LNPEP: variants seen among roughly 807,000 people sequenced by gnomAD.
LNPEP encodes leucyl and cystinyl aminopeptidase.
A neutral mutation model predicts 120.6 loss-of-function variants in LNPEP; 64 were observed. The ratio of observed to expected loss-of-function variants is 0.53; its 90% CI spans 0.43 to 0.65. The LOEUF (loss-of-function observed/expected upper bound fraction) is 0.65, where lower values mean the gene tolerates loss of function less well. Ranked by LOEUF, LNPEP falls within the 30% of genes least tolerant of loss-of-function variation. LNPEP has a pLI of 0.00. For synonymous variants in LNPEP, 435 were observed against 425.4 expected (o/e 1.02, Z -0.28); for missense variants, 1,057 against 1,200.0 (o/e 0.88, Z 1.76).
intron 1 of LNPEP, among the ~76,000 whole-genome samples, chr5:96,938,511 G>T (rs1439823940): frequency 6.6e-6 from 1 of 152,186 alleles, no homozygotes; most frequent in East Asian, 1.9e-4. Context: ...TAAAGGAAGT[G>T]AATTTAGCTT....
chr5:97,011,557 A>T lies in LNPEP; in HGVS notation c.2036-2091A>T, dbSNP rs548194352. 7.9e-5 allele frequency among the ~76,000 whole-genome samples: 12 copies of T among 152,240 alleles called. No homozygotes were observed. The East Asian group carries it at 1.9e-3, about 24-fold the overall frequency. ...AGGGTTCTTTCTTGATAAAAGCTCC[A>T]TAGGATATAGTGTTTGGTGACCTGG... On this transcript the variant is annotated intron_variant, in intron 11 of 17. Transcript: ENST00000231368.
chr5:96,969,522 C>T (rs1789810489), intron 1 of LNPEP, among the ~76,000 whole-genome samples: 1 of 151,860 alleles, frequency 6.6e-6, no homozygotes, highest in South Asian at 2.1e-4. Context: ...AGCCTGTGAC[C>T]CAGTTCTGAT....
At chr5:96,982,947 C>T (rs1790158627) in intron 2 of LNPEP, among the ~76,000 whole-genome samples, 1 of 151,704 alleles carries the variant, frequency 6.6e-6, no homozygotes, top group South Asian at 2.1e-4. Context: ...AACAAAAATC[C>T]TAATCTTTAG....
chr5:96,936,833 G>C (rs1452716236), intron 1 of LNPEP: 1 of 152,092 alleles, frequency 6.6e-6, no homozygotes, highest in Non-Finnish European at 1.5e-5. Context: ...TCAAAGACTT[G>C]TTAATGTCAA....
At chr5:97,023,846 T>C (rs1005396572) in intron 14 of LNPEP, among the ~76,000 whole-genome samples, 1 of 152,220 alleles carries the variant, frequency 6.6e-6, no homozygotes, top group Non-Finnish European at 1.5e-5. Flanking sequence ...CCAATTTCTC[T>C]ACATCCTTGC....
intron 1 of LNPEP, among the ~76,000 whole-genome samples, chr5:96,972,894 G>A (rs1347328148): frequency 6.6e-6 from 1 of 152,012 alleles, no homozygotes; most frequent in Non-Finnish European, 1.5e-5. Context: ...GTCAGGGTGA[G>A]GGGCAGCAGA....
At chr5:96,969,625 C>G (rs888722685) in intron 1 of LNPEP, among the ~76,000 whole-genome samples, 1 of 151,896 alleles carries the variant, frequency 6.6e-6, no homozygotes, top group African/African-American at 2.4e-5. Context: ...ATTTTTGGGC[C>G]AGTTTCTAGG....
chr5:96,982,361 A>G lies in LNPEP; in HGVS notation c.860+2383A>G, dbSNP rs930840094. 3.9e-4 allele frequency among the ~76,000 whole-genome samples: 59 copies of G among 152,208 alleles called. 1 individual carries two copies. The highest frequency in any genetic ancestry group is 1.0e-4 in the Non-Finnish European group (7 of 68,046). Reference sequence around the variant, plus strand: ...AAGTGTTCAACTTTAGTATTTCAGAAAGGAAATATACTCTCCAGTGAAAGA... The same window carrying G: ...AAGTGTTCAACTTTAGTATTTCAGAGAGGAAATATACTCTCCAGTGAAAGA... On this transcript the variant is annotated intron_variant, in intron 2 of 17. Coordinates refer to ENST00000231368, the MANE Select transcript of LNPEP (RefSeq NM_005575.3).
chr5:96,998,216 G>C (rs866265341), intron 8 of LNPEP, 71 bp downstream of exon 8: 1 of 1,123,766 alleles, frequency 8.9e-7, no homozygotes, highest in Middle Eastern at 2.0e-4. Context: ...TGAGCAAGCT[G>C]TGTGATTTAG....
At chr5:96,958,580 A>G (rs1789524875) in intron 1 of LNPEP, 1 of 789,968 alleles carries the variant, frequency 1.3e-6, no homozygotes, top group Non-Finnish European at 1.5e-6. Flanking sequence ...AATATAGTAC[A>G]AATTTATCTT....
intron 6 of LNPEP, among the ~76,000 whole-genome samples, chr5:96,995,176 C>T (rs760761696): frequency 3.9e-5 from 6 of 152,128 alleles, no homozygotes; most frequent in Non-Finnish European, 8.8e-5. Context: ...TTTCTGAAGC[C>T]ACCCATCACC....
intron 1 of LNPEP, among the ~76,000 whole-genome samples, chr5:96,955,142 A>G (rs1216808534): frequency 6.6e-6 from 1 of 151,860 alleles, no homozygotes; most frequent in Non-Finnish European, 1.5e-5. Context: ...CCCTCTTTTC[A>G]TACCCATATT....
chr5:96,965,566 A>G (rs1789706717), intron 1 of LNPEP, among the ~76,000 whole-genome samples: 1 of 152,194 alleles, frequency 6.6e-6, no homozygotes, highest in Non-Finnish European at 1.5e-5. Context: ...TAATTATTAT[A>G]AAACCATAAT....
At chr5:96,941,907 T>A (rs1360129678) in intron 1 of LNPEP, among the ~76,000 whole-genome samples, 1 of 152,204 alleles carries the variant, frequency 6.6e-6, no homozygotes, top group East Asian at 1.9e-4. Flanking sequence ...TTAAAAATGG[T>A]CATGCCTTGA....
intron 2 of LNPEP, among the ~76,000 whole-genome samples, chr5:96,984,562 C>G (rs1790198251): frequency 6.6e-6 from 1 of 151,922 alleles, no homozygotes; most frequent in South Asian, 2.1e-4. Context: ...GTTAAAAATT[C>G]CTTCATTATT....
chr5:96,948,893 A>C (rs1166777568), intron 1 of LNPEP, among the ~76,000 whole-genome samples: 1 of 152,232 alleles, frequency 6.6e-6, no homozygotes, highest in East Asian at 1.9e-4. Flanking sequence ...AAAAGTTCAG[A>C]CAGCCATATT....
At chr5:97,011,235 T>G in intron 11 of LNPEP, 4 of 974,366 alleles carry the variant, frequency 4.1e-6, no homozygotes, top group Non-Finnish European at 3.7e-6. Context: ...TTTACGTTTG[T>G]TTTTATTAGA....
chr5:96,974,275 T>C (rs1315224126), intron 1 of LNPEP, among the ~76,000 whole-genome samples: 1 of 152,130 alleles, frequency 6.6e-6, no homozygotes, highest in African/African-American at 2.4e-5. Context: ...TCTGGGCAGA[T>C]GTCTTTGCTT....
chr5:97,025,397 C>A (rs562493434), intron 15 of LNPEP, among the ~76,000 whole-genome samples: 1 of 152,250 alleles, frequency 6.6e-6, no homozygotes, highest in Admixed American at 6.5e-5. Flanking sequence ...GACCCACTTA[C>A]CAAAAGATAC....
Sources: allele counts gnomAD v4.1 joint callset (sites outside exome capture counted in the v4.1 genomes callset), GRCh38; gene constraint gnomAD v4.1.1; transcripts MANE v1.5; gene names NCBI Gene and HGNC (gene_info 2026-07-23, HGNC 2026-07-21).